The following SPTA1 variants were observed in gnomAD, a reference collection of about 807,000 sequenced individuals.
SPTA1 encodes spectrin alpha, erythrocytic 1.
In SPTA1, 177 loss-of-function variants were observed where a neutral mutation model predicts 324.7. The observed-to-expected ratio is 0.55, with a 90% CI of 0.48 to 0.62. The LOEUF (loss-of-function observed/expected upper bound fraction) is 0.62, where lower values mean the gene tolerates loss of function less well. Among genes scored for constraint, SPTA1 ranks in the 20% least tolerant of loss-of-function variants. The pLI is 0.00. For synonymous variants in SPTA1, 1,195 were observed against 1,041.3 expected (o/e 1.15, Z -2.84); for missense variants, 3,162 against 2,883.6 (o/e 1.10, Z -2.21).
intron 25 of SPTA1, among the ~76,000 whole-genome samples, chr1:158,649,021 C>T (rs74121783): frequency 0.022 from 3,410 of 152,260 alleles, 125 homozygotes; most frequent in African/African-American, 0.077. Context: ...CTTAAGCATT[C>T]TACACACACA....
intron 27 of SPTA1, among the ~76,000 whole-genome samples, chr1:158,647,061 CTT>C (rs910725103): frequency 6.6e-6 from 1 of 151,958 alleles, no homozygotes; most frequent in African/African-American, 2.4e-5. Flanking sequence ...ATGATTATGT[CTT>C]TTTTTGCACA....
At chr1:158,648,290 C>T (rs1652147156) in intron 26 of SPTA1, among the ~76,000 whole-genome samples, 1 of 152,160 alleles carries the variant, frequency 6.6e-6, no homozygotes. Context: ...CTCACTCAGA[C>T]AGCAGGAGTT....
At chr1:158,644,529 T>G in intron 29 of SPTA1, 133 bp from the exon 30 acceptor site, 1 of 1,033,070 alleles carries the variant, frequency 9.7e-7, no homozygotes, top group Non-Finnish European at 1.5e-6. Context: ...AACACTCATG[T>G]GACAAATCTT....
chr1:158,647,508 C>T (rs372584962), intron 27 of SPTA1, 31 bp downstream of exon 27: 110 of 1,611,872 alleles, frequency 6.8e-5, no homozygotes, highest in Non-Finnish European at 7.2e-5. Flanking sequence ...TACTTAGAGG[C>T]CAGACACGGA....
intron 43 of SPTA1, among the ~76,000 whole-genome samples, chr1:158,620,987 T>C (rs1649873527): frequency 6.6e-6 from 1 of 152,162 alleles, no homozygotes; most frequent in Non-Finnish European, 1.5e-5. Context: ...GACAAGGCTA[T>C]GTCATTTTCC....
rs555127988 is a variant in SPTA1 at position 158,618,892 on chromosome 1, C to T, written c.6530+330G>A. 7.2e-5 allele frequency among the ~76,000 whole-genome samples: 11 copies of T among 152,224 alleles called. No homozygotes were observed. The South Asian group carries it at 2.3e-3, about 32-fold the overall frequency. On this transcript the variant is annotated intron_variant, in intron 45 of 51. Coordinates refer to ENST00000643759, the MANE Select transcript of SPTA1 (RefSeq NM_003126.4). ...AAGTGAGGTAATGGATATGGAAGTA[C>T]TCTGTAAAGTGCAATATGGCATGTG...
At position 158,611,392 on chromosome 1, in the gene SPTA1, G is replaced by A. The variant is rs374324802; in HGVS notation, c.7135-3C>T. 6.1e-5 allele frequency: 99 copies of A among 1,613,304 alleles called. No homozygotes were observed. Among genetic ancestry groups the A allele is most frequent in the Non-Finnish European group, 7.7e-5 (91 of 1,179,570 alleles). ...GACACTTGCTCTGGGGTAAGGGCCTGAAAAGTATAAAAAGAGAAAAATACA... is the reference window on the plus strand; with the variant it reads ...GACACTTGCTCTGGGGTAAGGGCCTAAAAAGTATAAAAAGAGAAAAATACA... On this transcript the variant is annotated splice_region_variant and splice_polypyrimidine_tract_variant and intron_variant, in intron 51 of 51. Coordinates refer to ENST00000643759, the MANE Select transcript of SPTA1 (RefSeq NM_003126.4).
At chr1:158,642,650 GAC>G in intron 32 of SPTA1, 108 bp from the exon 33 acceptor site, 1 of 1,571,544 alleles carries the variant, frequency 6.4e-7, no homozygotes, top group Non-Finnish European at 8.7e-7. Context: ...TAACTGAGGT[GAC>G]GGTGACTTCT....
chr1:158,671,287 G>T, intron 12 of SPTA1, 56 bp downstream of exon 12: 1 of 1,305,286 alleles, frequency 7.7e-7, no homozygotes. Flanking sequence ...CAGGTATTGT[G>T]TAAAATTATG....
intron 18 of SPTA1, 97 bp from the exon 19 acceptor site, chr1:158,657,791 A>T (rs910166079): frequency 8.0e-7 from 1 of 1,256,788 alleles, no homozygotes; most frequent in Non-Finnish European, 1.1e-6. Flanking sequence ...GGAAGTGATA[A>T]AAATGGTATG....
rs1210831929 is a variant in SPTA1 at position 158,652,504 on chromosome 1, A to C, written c.3338T>G (p.Val1113Gly). 4 of 1,614,142 alleles carry C rather than the reference A, an allele frequency of 2.5e-6. No homozygotes were observed. The South Asian group carries it at 4.4e-5, about 18-fold the overall frequency. Residue 1113 changes from valine (V) to glycine (G), a missense_variant, in exon 23 of 52, where the codon GTT (valine) becomes GGT (glycine). Coordinates refer to ENST00000643759, the MANE Select transcript of SPTA1 (RefSeq NM_003126.4). ...AENTGVELDD[V>G]WELQKKFDEF... The stretch of plus-strand genomic sequence containing the variant: ...ATCAAACTTTTTCTGCAGCTCCCAA[A>C]CATCATCTAGTTCCACTCCAGTGTT...
chr1:158,627,570 G>A, intron 40 of SPTA1, 55 bp downstream of exon 40: 1 of 1,518,256 alleles, frequency 6.6e-7, no homozygotes, highest in Non-Finnish European at 9.1e-7. Flanking sequence ...TCTACATTTG[G>A]GCCAGTCCCT....
chr1:158,677,549 G>T, intron 7 of SPTA1, 141 bp downstream of exon 7: 1 of 936,454 alleles, frequency 1.1e-6, no homozygotes, highest in Non-Finnish European at 1.7e-6. Flanking sequence ...GAATGAAGAA[G>T]CGTATTCAAG....
intron 5 of SPTA1, among the ~76,000 whole-genome samples, chr1:158,679,853 C>T (rs1031746724): frequency 6.6e-6 from 1 of 152,024 alleles, no homozygotes; most frequent in Non-Finnish European, 1.5e-5. Context: ...GGAAATATGG[C>T]CTGAAAGAAA....
intron 24 of SPTA1, among the ~76,000 whole-genome samples, chr1:158,650,737 T>TCCAA (rs1652362945): frequency 6.6e-6 from 1 of 152,214 alleles, no homozygotes. Context: ...TTTAAGAATT[T>TCCAA]TAGATCAGTT....
intron 25 of SPTA1, 95 bp from the exon 26 acceptor site, chr1:158,648,748 C>G (rs1033413844): frequency 1.9e-5 from 26 of 1,351,094 alleles, no homozygotes; most frequent in South Asian, 2.5e-5. Flanking sequence ...CTACCACTCA[C>G]CATCCTCCCA....
chr1:158,636,607 T>G, intron 37 of SPTA1, 34 bp downstream of exon 37: 1 of 1,612,778 alleles, frequency 6.2e-7, no homozygotes, highest in Non-Finnish European at 8.5e-7. Flanking sequence ...ATAGGATGAT[T>G]TCTATATTTT....
intron 12 of SPTA1, 71 bp downstream of exon 12, chr1:158,671,272 G>A (rs1396772111): frequency 9.2e-6 from 10 of 1,086,132 alleles, no homozygotes; most frequent in Non-Finnish European, 1.4e-5. Context: ...AATGCTGTCT[G>A]GGGACAGGTA....
chr1:158,665,999 G>A (rs7522169), intron 16 of SPTA1, among the ~76,000 whole-genome samples: 11,690 of 152,056 alleles, frequency 0.077, 1,544 homozygotes, highest in African/African-American at 0.27. Context: ...TAACCATGAG[G>A]TTCTGACCAA....
Sources: gnomAD v4.1 joint callset for allele counts (sites outside exome capture counted in the v4.1 genomes callset) on GRCh38, gnomAD v4.1.1 for gene constraint, MANE v1.5 for transcripts, NCBI Gene and HGNC (gene_info 2026-07-23, HGNC 2026-07-21) for gene names.